Variants in TRHDE observed in about 807,000 individuals in gnomAD.
The protein encoded by TRHDE is thyrotropin releasing hormone degrading enzyme.
In TRHDE, 72 loss-of-function variants were observed where a neutral mutation model predicts 125.7. That is an observed-to-expected ratio of 0.57 (90% confidence interval 0.47 to 0.70). TRHDE has a LOEUF of 0.70. Among genes scored for constraint, TRHDE ranks in the 30% least tolerant of loss-of-function variants. The probability of loss-of-function intolerance (pLI) is 0.00; values close to 1 mark genes in which losing one functional copy is unlikely to be tolerated. For synonymous variants in TRHDE, 509 were observed against 509.1 expected (o/e 1.00, Z 0.00); for missense variants, 1,110 against 1,327.1 (o/e 0.84, Z 2.54).
chr12:72,337,027 T>A (rs74103459), intron 2 of TRHDE, among the ~76,000 whole-genome samples: 10,139 of 152,252 alleles, frequency 0.067, 395 homozygotes, highest in African/African-American at 0.11. Flanking sequence ...AGAATCTGTA[T>A]TTTAAGGAAA....
chr12:72,330,401 A>G (rs1048133888), intron 2 of TRHDE, among the ~76,000 whole-genome samples: 2 of 151,986 alleles, frequency 1.3e-5, no homozygotes, highest in Non-Finnish European at 2.9e-5. Flanking sequence ...TAGTTGGTTC[A>G]TGTGGCCACA....
chr12:72,580,977 T>C (rs934112317), intron 12 of TRHDE, among the ~76,000 whole-genome samples: 1 of 152,142 alleles, frequency 6.6e-6, no homozygotes, highest in African/African-American at 2.4e-5. Flanking sequence ...CAAAATATCC[T>C]ATAGGAAATA....
chr12:72,491,654 T>A (rs1877690420), intron 5 of TRHDE, among the ~76,000 whole-genome samples: 1 of 151,926 alleles, frequency 6.6e-6, no homozygotes, highest in African/African-American at 2.4e-5. Context: ...TTCTCTGTGT[T>A]CATCATGTCC....
At chr12:72,126,997 A>G (rs1875729121) in intron 2 of TRHDE, among the ~76,000 whole-genome samples, 2 of 152,192 alleles carry the variant, frequency 1.3e-5, no homozygotes, top group Admixed American at 1.3e-4. Context: ...AAACAATTAA[A>G]CAAGCAAAAA....
intron 2 of TRHDE, among the ~76,000 whole-genome samples, chr12:72,123,077 T>G (rs1566230472): frequency 6.6e-6 from 1 of 152,306 alleles, no homozygotes; most frequent in East Asian, 1.9e-4. Context: ...TTTTTTTAAG[T>G]TAAGTTTAAT....
intron 2 of TRHDE, among the ~76,000 whole-genome samples, chr12:72,190,124 T>G (rs1465466074): frequency 6.6e-6 from 1 of 152,180 alleles, no homozygotes; most frequent in Non-Finnish European, 1.5e-5. Flanking sequence ...GGCATTAATA[T>G]CAAGTCTGTC....
intron 2 of TRHDE, among the ~76,000 whole-genome samples, chr12:72,296,892 G>T (rs1302251935): frequency 2.0e-5 from 3 of 152,188 alleles, no homozygotes; most frequent in Non-Finnish European, 2.9e-5. Context: ...TGCTAGTTAA[G>T]AGAAGGGGTA....
At chr12:72,486,381 G>T (rs1877408046) in intron 5 of TRHDE, among the ~76,000 whole-genome samples, 1 of 152,116 alleles carries the variant, frequency 6.6e-6, no homozygotes, top group African/African-American at 2.4e-5. Context: ...GTGCCTGTGG[G>T]CCATGTCAGA....
At chr12:72,346,449 G>T (rs1870331919) in intron 2 of TRHDE, among the ~76,000 whole-genome samples, 1 of 147,400 alleles carries the variant, frequency 6.8e-6, no homozygotes, top group Admixed American at 6.9e-5. Context: ...GAGCTGTTGG[G>T]TCTGTCTGCC....
At chr12:72,650,956 C>T (rs907574372) in intron 15 of TRHDE, among the ~76,000 whole-genome samples, 1 of 152,060 alleles carries the variant, frequency 6.6e-6, no homozygotes, top group Admixed American at 6.6e-5. Context: ...GAACATGTCA[C>T]CAATAATTGA....
At chr12:72,125,141 T>C (rs1371003192) in intron 2 of TRHDE, among the ~76,000 whole-genome samples, 2 of 151,930 alleles carry the variant, frequency 1.3e-5, no homozygotes, top group East Asian at 1.9e-4. Context: ...TTTCTTGTGC[T>C]TTTTTTTAAG....
chr12:72,536,685 T>C (rs1592520672), intron 6 of TRHDE, among the ~76,000 whole-genome samples: 1 of 152,176 alleles, frequency 6.6e-6, no homozygotes, highest in East Asian at 1.9e-4. Flanking sequence ...CCACATACAG[T>C]AATAAAAATA....
chr12:72,575,558 G>A lies in TRHDE; in HGVS notation c.2321+16G>A. Reference sequence around the variant, plus strand: ...GCCTAGCCAGGTATGTTTTCCTGTGGATCTCCCCAATAAAAACTTGTGCCT... The same window carrying A: ...GCCTAGCCAGGTATGTTTTCCTGTGAATCTCCCCAATAAAAACTTGTGCCT... On this transcript the variant is annotated intron_variant, in intron 12 of 18. Transcript: ENST00000261180. 1 of 1,612,970 alleles carries A rather than the reference G, an allele frequency of 6.2e-7. No homozygotes were observed. The highest frequency in any genetic ancestry group is 1.1e-5 in the South Asian group (1 of 91,050).
intron 2 of TRHDE, among the ~76,000 whole-genome samples, chr12:72,353,891 G>T (rs1309358709): frequency 8.2e-6 from 1 of 121,416 alleles, no homozygotes; most frequent in Non-Finnish European, 2.0e-5. Flanking sequence ...TATGGAAATT[G>T]AGTATGCTAA....
intron 2 of TRHDE, among the ~76,000 whole-genome samples, chr12:72,299,290 AC>A (rs1395872845): frequency 1.3e-4 from 20 of 152,206 alleles, no homozygotes; most frequent in African/African-American, 4.8e-4. Context: ...TAGCAAAAGT[AC>A]TAATAGTACG....
chr12:72,342,336 C>CT (rs1427745684), intron 2 of TRHDE, among the ~76,000 whole-genome samples: 1 of 152,026 alleles, frequency 6.6e-6, no homozygotes, highest in Non-Finnish European at 1.5e-5. Context: ...CTAATCATTT[C>CT]TTTTTAAATG....
intron 2 of TRHDE, among the ~76,000 whole-genome samples, chr12:72,301,020 A>T (rs1384570936): frequency 2.0e-5 from 3 of 151,972 alleles, no homozygotes; most frequent in Admixed American, 2.0e-4. Context: ...GTTCAGGGGG[A>T]GGACTGGCCA....
At chr12:72,204,902 G>C (rs1459709432) in intron 2 of TRHDE, among the ~76,000 whole-genome samples, 1 of 152,094 alleles carries the variant, frequency 6.6e-6, no homozygotes, top group Non-Finnish European at 1.5e-5. Flanking sequence ...AAGGCAAAAA[G>C]GTCAAGATTA....
At chr12:72,375,190 G>T (rs1306402465) in intron 2 of TRHDE, among the ~76,000 whole-genome samples, 2 of 152,086 alleles carry the variant, frequency 1.3e-5, no homozygotes, top group Non-Finnish European at 2.9e-5. Context: ...TATTTTTGTT[G>T]TTAATTTATT....
Sources: allele counts gnomAD v4.1 joint callset (sites outside exome capture counted in the v4.1 genomes callset), GRCh38; gene constraint gnomAD v4.1.1; transcripts MANE v1.5; gene names NCBI Gene and HGNC (gene_info 2026-07-23, HGNC 2026-07-21).